The following ZNF385D variants were observed in gnomAD, a reference collection of about 807,000 sequenced individuals.
The protein encoded by ZNF385D is zinc finger protein 659.
Under a neutral mutation model 35.8 loss-of-function variants are expected in ZNF385D, and 15 were observed. The ratio of observed to expected loss-of-function variants is 0.42; its 90% CI spans 0.28 to 0.64. The LOEUF (loss-of-function observed/expected upper bound fraction) is 0.64. Ranked by LOEUF, ZNF385D falls within the 30% of genes least tolerant of loss-of-function variation. The pLI is 0.23. For missense variants in ZNF385D, 474 were observed against 494.6 expected, an observed-to-expected ratio of 0.96 and a Z score of 0.39; for synonymous variants, 212 against 186.8, an observed-to-expected ratio of 1.13 and a Z score of -1.10.
intron 1 of ZNF385D, among the ~76,000 whole-genome samples, chr3:21,710,703 T>C (rs1008552127): frequency 2.4e-4 from 37 of 152,196 alleles, no homozygotes; most frequent in Non-Finnish European, 4.3e-4. Context: ...ACTTTTAGTG[T>C]TGGAAGCAAT....
At chr3:21,624,736 G>A (rs1289682350) in intron 2 of ZNF385D, among the ~76,000 whole-genome samples, 2 of 152,064 alleles carry the variant, frequency 1.3e-5, no homozygotes, top group Non-Finnish European at 2.9e-5. Context: ...GGCATTCCAG[G>A]AAAACGTTGA....
At chr3:21,497,796 C>T (rs959044325) in intron 4 of ZNF385D, among the ~76,000 whole-genome samples, 6 of 152,068 alleles carry the variant, frequency 3.9e-5, no homozygotes, top group African/African-American at 7.2e-5. Flanking sequence ...TTGCAGTGAG[C>T]GGAGATCATG....
intron 2 of ZNF385D, among the ~76,000 whole-genome samples, chr3:22,214,323 G>A (rs111339466): frequency 3.1e-3 from 475 of 151,896 alleles, no homozygotes; most frequent in African/African-American, 0.011. Flanking sequence ...GATGTATGTC[G>A]CCTCAGGACC....
At chr3:21,771,629 A>C (rs1490093722) in intron 3 of ZNF385D, among the ~76,000 whole-genome samples, 4 of 151,920 alleles carry the variant, frequency 2.6e-5, no homozygotes, top group African/African-American at 9.7e-5. Flanking sequence ...GAATGTGAAT[A>C]AAATAGAGAT....
chr3:22,294,247 A>T (rs1415330859), intron 2 of ZNF385D, among the ~76,000 whole-genome samples: 2 of 152,192 alleles, frequency 1.3e-5, no homozygotes, highest in African/African-American at 4.8e-5. Context: ...GGCTCTAGTT[A>T]ATAGGAGGTG....
chr3:22,263,746 C>T (rs1576584353), intron 2 of ZNF385D, among the ~76,000 whole-genome samples: 1 of 151,886 alleles, frequency 6.6e-6, no homozygotes, highest in East Asian at 1.9e-4. Context: ...AGTTTTTATG[C>T]CACAAGACAT....
At chr3:22,339,717 A>T (rs1695335362) in intron 2 of ZNF385D, among the ~76,000 whole-genome samples, 1 of 152,050 alleles carries the variant, frequency 6.6e-6, no homozygotes, top group Admixed American at 6.5e-5. Context: ...TTATGTGCTC[A>T]CTCCTTAGAA....
At chr3:21,647,795 T>C (rs1446253169) in intron 2 of ZNF385D, among the ~76,000 whole-genome samples, 2 of 152,188 alleles carry the variant, frequency 1.3e-5, no homozygotes, top group African/African-American at 4.8e-5. Context: ...CTGTAGATTT[T>C]ATGTGCTATA....
chr3:22,036,231 G>C (rs189499484), intron 3 of ZNF385D, among the ~76,000 whole-genome samples: 2 of 152,130 alleles, frequency 1.3e-5, no homozygotes, highest in Non-Finnish European at 2.9e-5. Context: ...TCTTCTCAGA[G>C]GTAAACAACA....
chr3:21,858,072 G>C (rs1247014712), intron 3 of ZNF385D, among the ~76,000 whole-genome samples: 4 of 149,076 alleles, frequency 2.7e-5, no homozygotes, highest in African/African-American at 9.9e-5. Context: ...TGAGGTAGGA[G>C]AATCACTTGA....
intron 3 of ZNF385D, among the ~76,000 whole-genome samples, chr3:21,909,133 T>C (rs1386449544): frequency 6.6e-6 from 1 of 152,062 alleles, no homozygotes; most frequent in Non-Finnish European, 1.5e-5. Context: ...TTTCTTTAAA[T>C]AACTTATCTT....
At chr3:21,934,713 C>T (rs1481135117) in intron 3 of ZNF385D, among the ~76,000 whole-genome samples, 1 of 152,178 alleles carries the variant, frequency 6.6e-6, no homozygotes, top group South Asian at 2.1e-4. Context: ...TTGGGGGACA[C>T]ATTTCTTCAG....
intron 2 of ZNF385D, among the ~76,000 whole-genome samples, chr3:22,258,761 G>T (rs1700450064): frequency 6.6e-6 from 1 of 151,490 alleles, no homozygotes. Flanking sequence ...TATAATTATA[G>T]ATTATTTGCA....
At chr3:22,152,718 A>C (rs1471411141) in intron 3 of ZNF385D, among the ~76,000 whole-genome samples, 3 of 152,138 alleles carry the variant, frequency 2.0e-5, no homozygotes, top group African/African-American at 7.2e-5. Flanking sequence ...TAACCTCTTC[A>C]TCTCAAGACC....
intron 2 of ZNF385D, among the ~76,000 whole-genome samples, chr3:21,640,025 A>C (rs1179309054): frequency 6.6e-6 from 1 of 152,060 alleles, no homozygotes; most frequent in Non-Finnish European, 1.5e-5. Context: ...AAAAATTTAA[A>C]TTGTTAGCCT....
Position 22,309,516 on chromosome 3 carries a change from T to C in ZNF385D, c.106+62934A>G, listed in dbSNP as rs139489925. On this transcript the variant is annotated intron_variant, in intron 2 of 5. Transcript: ENST00000494108. The stretch of plus-strand genomic sequence containing the variant: ...GTATTAATATAAGGTCAAAAACATA[T>C]TCTATTCAACTATTTAAATATATAA... Among the ~76,000 whole-genome samples, 377 of 152,198 alleles carry C rather than the reference T, an allele frequency of 2.5e-3. 4 individuals are homozygous for C. The highest frequency in any genetic ancestry group is 9.0e-3 in the African/African-American group (373 of 41,554).
At chr3:21,592,922 A>G (rs1403389853) in intron 2 of ZNF385D, among the ~76,000 whole-genome samples, 1 of 152,144 alleles carries the variant, frequency 6.6e-6, no homozygotes, top group Non-Finnish European at 1.5e-5. Flanking sequence ...AACATGTTCT[A>G]TTCCCTACAC....
intron 2 of ZNF385D, among the ~76,000 whole-genome samples, chr3:22,216,841 C>T (rs1032484775): frequency 2.0e-5 from 3 of 152,042 alleles, no homozygotes; most frequent in African/African-American, 7.2e-5. Flanking sequence ...CCCAGTCTTG[C>T]CCAAAAAAGC....
intron 3 of ZNF385D, among the ~76,000 whole-genome samples, chr3:22,009,961 T>A (rs574691803): frequency 1.2e-4 from 18 of 151,812 alleles, no homozygotes; most frequent in African/African-American, 3.6e-4. Context: ...ATGATAAGAA[T>A]AGAAACAGTA....
Sources: gnomAD v4.1 joint callset for allele counts (sites outside exome capture counted in the v4.1 genomes callset) on GRCh38, gnomAD v4.1.1 for gene constraint, MANE v1.5 for transcripts, NCBI Gene and HGNC (gene_info 2026-07-23, HGNC 2026-07-21) for gene names.